The following SEC31A variants were observed in gnomAD, a reference collection of about 807,000 sequenced individuals.
SEC31A encodes the protein SEC31 homolog A, COPII component, also known as protein transport protein Sec31A.
In SEC31A, 70 loss-of-function variants were observed where a neutral mutation model predicts 151.0. That is an observed-to-expected ratio of 0.46 (90% CI 0.38 to 0.57). The LOEUF (loss-of-function observed/expected upper bound fraction) is 0.57. Ranked by LOEUF, SEC31A falls within the 20% of genes least tolerant of loss-of-function variation. The pLI, the probability that SEC31A is intolerant of heterozygous loss-of-function variation, is 0.00. For missense variants in SEC31A, 1,330 were observed against 1,471.2 expected (o/e 0.90, Z 1.57); for synonymous variants, 475 against 505.9 (o/e 0.94, Z 0.82).
intron 12 of SEC31A, 113 bp downstream of exon 12, chr4:82,863,205 C>A: frequency 1.5e-6 from 1 of 673,776 alleles, no homozygotes; most frequent in South Asian, 2.0e-5. Context: ...GGCAACCAAA[C>A]ACAAATTATT....
At chr4:82,824,796 T>A (rs562215405) in intron 24 of SEC31A, 122 bp from the exon 25 acceptor site, 2 of 1,080,900 alleles carry the variant, frequency 1.9e-6, no homozygotes, top group South Asian at 4.4e-5. Context: ...CAAAATCAAA[T>A]TAAAATTTAA....
intron 17 of SEC31A, among the ~76,000 whole-genome samples, chr4:82,854,544 T>C (rs964235274): frequency 3.9e-5 from 6 of 152,150 alleles, no homozygotes; most frequent in Non-Finnish European, 7.4e-5. Flanking sequence ...AATGTTATTA[T>C]TAATTTTATC....
chr4:82,838,838 G>A (rs1038327354), intron 22 of SEC31A, among the ~76,000 whole-genome samples: 2 of 152,198 alleles, frequency 1.3e-5, no homozygotes, highest in Non-Finnish European at 2.9e-5. Flanking sequence ...TCTGAGCCCT[G>A]AGCACATAAT....
intron 4 of SEC31A, among the ~76,000 whole-genome samples, chr4:82,878,346 T>C (rs923426975): frequency 1.3e-4 from 20 of 151,832 alleles, no homozygotes; most frequent in African/African-American, 4.8e-4. Flanking sequence ...GTACAAAAAT[T>C]AGCTGGGCGT....
At chr4:82,890,841 C>T (rs1327204084) in intron 1 of SEC31A, 2 of 1,330,450 alleles carry the variant, frequency 1.5e-6, no homozygotes, top group Non-Finnish European at 1.9e-6. Flanking sequence ...TGTCGCCAGC[C>T]TCGGGTGGCT....
chr4:82,867,429 T>C, intron 8 of SEC31A, 113 bp from the exon 9 acceptor site: 3 of 859,412 alleles, frequency 3.5e-6, no homozygotes, highest in Non-Finnish European at 5.3e-6. Flanking sequence ...TATTTTTTTG[T>C]AGAAAGTATC....
Position 82,839,826 on chromosome 4 carries a change from C to A in SEC31A, c.2968+2314G>T, listed in dbSNP as rs367753021. Among the ~76,000 whole-genome samples, 7 of 152,324 alleles carry A rather than the reference C, an allele frequency of 4.6e-5. No homozygotes were observed. The East Asian group carries it at 1.2e-3, about 25-fold the overall frequency. On this transcript the variant is annotated intron_variant, in intron 22 of 26. Transcript: ENST00000395310. Reference sequence around the variant, plus strand: ...CCTGTTAGTCACTCTGTTTCTCAGCCAGGTTAAAACATTCTGTTACTTTGT... The same window carrying A: ...CCTGTTAGTCACTCTGTTTCTCAGCAAGGTTAAAACATTCTGTTACTTTGT...
chr4:82,899,986 G>C (rs1279614657), intron 2 of SEC31A: 1 of 152,234 alleles, frequency 6.6e-6, no homozygotes, highest in Admixed American at 6.5e-5. Context: ...TCTCCTGAAA[G>C]CTATTCATAA....
At chr4:82,867,110 CT>C (rs760477724) in intron 9 of SEC31A, 44 bp downstream of exon 9, 8 of 1,573,274 alleles carry the variant, frequency 5.1e-6, no homozygotes, top group Admixed American at 1.7e-5. Context: ...ACAACACATA[CT>C]TTTTTCAGGC....
At chr4:82,872,152 G>C (rs1261962992) in intron 6 of SEC31A, 66 bp from the exon 7 acceptor site, 6 of 1,118,396 alleles carry the variant, frequency 5.4e-6, no homozygotes, top group Non-Finnish European at 8.1e-6. Context: ...ACTACAACGA[G>C]AAATATACCT....
intron 22 of SEC31A, among the ~76,000 whole-genome samples, chr4:82,832,120 A>T (rs1726082350): frequency 6.6e-6 from 1 of 152,248 alleles, no homozygotes; most frequent in African/African-American, 2.4e-5. Context: ...GGCAAGAAGA[A>T]CAAAGCTGGA....
chr4:82,859,936 C>CTGG (rs1560630153), intron 14 of SEC31A, among the ~76,000 whole-genome samples: 1 of 151,930 alleles, frequency 6.6e-6, no homozygotes, highest in African/African-American at 2.4e-5. Context: ...GGACTACAGG[C>CTGG]GCCCCACCAC....
intron 12 of SEC31A, among the ~76,000 whole-genome samples, chr4:82,862,840 T>G (rs1734496106): frequency 6.6e-6 from 1 of 152,226 alleles, no homozygotes; most frequent in South Asian, 2.1e-4. Flanking sequence ...ATCAATCTCT[T>G]ACAAGCCTAA....
At chr4:82,822,748 C>T (rs970730476) in intron 25 of SEC31A, among the ~76,000 whole-genome samples, 2 of 152,002 alleles carry the variant, frequency 1.3e-5, no homozygotes, top group Non-Finnish European at 2.9e-5. Flanking sequence ...CCGAGGTGGG[C>T]GGATCACCTG....
At chr4:82,898,421 TG>T (rs1181183077) in intron 3 of SEC31A, among the ~76,000 whole-genome samples, 5 of 152,214 alleles carry the variant, frequency 3.3e-5, no homozygotes, top group Non-Finnish European at 7.3e-5. Flanking sequence ...TCTAGAGCAG[TG>T]ACCCCTTGCG....
At chr4:82,840,446 T>C (rs368252290) in intron 22 of SEC31A, among the ~76,000 whole-genome samples, 4 of 152,324 alleles carry the variant, frequency 2.6e-5, no homozygotes, top group African/African-American at 9.6e-5. Flanking sequence ...AATATCAAAC[T>C]ATTGATGTAT....
chr4:82,824,032 G>A (rs1724001462), intron 25 of SEC31A, among the ~76,000 whole-genome samples: 1 of 152,072 alleles, frequency 6.6e-6, no homozygotes, highest in African/African-American at 2.4e-5. Flanking sequence ...TCTGCCATAG[G>A]TTATTGTGAA....
chr4:82,881,829 T>G lies in SEC31A; in HGVS notation c.79+29A>C, dbSNP rs747101185. Reference sequence around the variant, plus strand: ...TGCAGAAGAGAAGAAATTAGGTAACTCATACTATCTTCTCTCCTTTGAACT... The same window carrying G: ...TGCAGAAGAGAAGAAATTAGGTAACGCATACTATCTTCTCTCCTTTGAACT... On this transcript the variant is annotated intron_variant, in intron 2 of 26. Coordinates refer to ENST00000395310, the MANE Select transcript of SEC31A (RefSeq NM_001077207.4). The G allele has an allele frequency of 8.5e-6, 13 of 1,534,776 alleles. No individual in the cohort carries two copies. The South Asian group carries it at 1.5e-4, about 17-fold the overall frequency.
chr4:82,874,671 G>T lies in SEC31A; in HGVS notation c.579C>A (p.Ala193=). Residue 193 remains alanine (A), a synonymous_variant, in exon 6 of 27, where the codon GCC becomes GCA. Transcript: ENST00000395310. Reference sequence around the variant, plus strand: ...CATTTTTTCTAAGATCCCATACAGTGGCCCGGCCACTGGGACTGGCTGATG... The same window carrying T: ...CATTTTTTCTAAGATCCCATACAGTTGCCCGGCCACTGGGACTGGCTGATG... The part of the protein sequence containing the change: ...ILASASPSGR[A]TVWDLRKNEP... 6.2e-7 allele frequency: 1 copy of T among 1,613,338 alleles called. No homozygotes were observed. Among genetic ancestry groups the T allele is most frequent in the African/African-American group, 1.3e-5 (1 of 75,012 alleles).
Sources: allele counts gnomAD v4.1 joint callset (sites outside exome capture counted in the v4.1 genomes callset), GRCh38; gene constraint gnomAD v4.1.1; transcripts MANE v1.5; gene names NCBI Gene and HGNC (gene_info 2026-07-23, HGNC 2026-07-21).